Variants in ANKRD30BL observed in about 807,000 individuals in gnomAD.
ANKRD30BL encodes the protein ankyrin repeat domain 30B like, also known as putative ankyrin repeat domain-containing protein 30B-like.
ANKRD30BL carries 20 observed loss-of-function variants against 18.4 expected under a neutral mutation model. The observed-to-expected ratio is 1.09, with a 90% CI of 0.77 to 1.58. ANKRD30BL has a LOEUF of 1.58. ANKRD30BL is among the 40% of genes most tolerant of loss of function. The pLI, the probability that ANKRD30BL is intolerant of heterozygous loss-of-function variation, is 0.00. For missense variants in ANKRD30BL, 224 were observed against 268.6 expected, an observed-to-expected ratio of 0.83 and a Z score of 1.16; for synonymous variants, 72 against 100.9, an observed-to-expected ratio of 0.71 and a Z score of 1.72.
intron 1 of ANKRD30BL, among the ~76,000 whole-genome samples, chr2:132,194,055 T>TCA (rs373251947): frequency 1.6e-3 from 199 of 127,822 alleles, no homozygotes; most frequent in South Asian, 2.7e-3. Context: ...TCTCTCTCTC[T>TCA]CACACACACA....
intron 1 of ANKRD30BL, among the ~76,000 whole-genome samples, chr2:132,229,281 T>G (rs1001507804): frequency 6.6e-6 from 1 of 152,118 alleles, no homozygotes; most frequent in Non-Finnish European, 1.5e-5. Flanking sequence ...AGGAAATATC[T>G]TCACATAAAA....
chr2:132,191,160 T>A (rs1678842245), intron 1 of ANKRD30BL, among the ~76,000 whole-genome samples: 1 of 152,218 alleles, frequency 6.6e-6, no homozygotes, highest in Admixed American at 6.5e-5. Context: ...ATTCAGTTTC[T>A]AGAATTTTGT....
rs555343413 is a variant in ANKRD30BL at position 132,193,607 on chromosome 2, A to G, written n.442-36461T>C. Among the ~76,000 whole-genome samples, 394 of 152,294 alleles carry G rather than the reference A, an allele frequency of 2.6e-3. 1 individual carries two copies. The highest frequency in any genetic ancestry group is 9.3e-3 in the African/African-American group (387 of 41,562). ...TACATACACTCTTCAAGAAGCAGCT[A>G]GACTCATGGAGCCCTGGAGAAACGT... On this transcript the variant is annotated intron_variant and non_coding_transcript_variant, in intron 1 of 4. Transcript: ENST00000470729.
chr2:132,191,794 T>A (rs1006701544), intron 1 of ANKRD30BL, among the ~76,000 whole-genome samples: 75 of 147,120 alleles, frequency 5.1e-4, no homozygotes, highest in Non-Finnish European at 8.9e-5. Context: ...CAGACTGGAG[T>A]GCAGTGGCAA....
intron 1 of ANKRD30BL, among the ~76,000 whole-genome samples, chr2:132,172,586 T>G (rs879839394): frequency 3.3e-5 from 5 of 152,362 alleles, no homozygotes; most frequent in Non-Finnish European, 7.3e-5. Flanking sequence ...ATTATTGTTG[T>G]TGAGTTGCTG....
intron 1 of ANKRD30BL, among the ~76,000 whole-genome samples, chr2:132,244,721 T>G (rs542836100): frequency 6.6e-6 from 1 of 152,406 alleles, no homozygotes; most frequent in East Asian, 1.9e-4. Context: ...AGTGGATATT[T>G]GGATAGCTTT....
At chr2:132,178,169 G>A (rs1223143094) in intron 1 of ANKRD30BL, among the ~76,000 whole-genome samples, 1 of 152,136 alleles carries the variant, frequency 6.6e-6, no homozygotes, top group Non-Finnish European at 1.5e-5. Context: ...GCACTCTGTG[G>A]ACCAGTAGGG....
intron 1 of ANKRD30BL, among the ~76,000 whole-genome samples, chr2:132,254,531 G>A (rs1012984890): frequency 1.7e-3 from 258 of 152,284 alleles, no homozygotes; most frequent in Middle Eastern, 3.4e-3. Context: ...AAAGGGCAGG[G>A]ACTTCATGCA....
At chr2:132,233,434 G>C (rs1284208220) in intron 1 of ANKRD30BL, among the ~76,000 whole-genome samples, 1 of 139,488 alleles carries the variant, frequency 7.2e-6, no homozygotes, top group African/African-American at 2.7e-5. Context: ...CTGTATTCAG[G>C]AAACCCATCT....
At chr2:132,241,090 A>G (rs1042032326) in intron 1 of ANKRD30BL, among the ~76,000 whole-genome samples, 8 of 151,882 alleles carry the variant, frequency 5.3e-5, no homozygotes, top group African/African-American at 1.7e-4. Flanking sequence ...TCCTTTTCAT[A>G]GAGCAGTTTT....
intron 1 of ANKRD30BL, among the ~76,000 whole-genome samples, chr2:132,230,980 G>A (rs1433617883): frequency 6.6e-6 from 1 of 152,118 alleles, no homozygotes; most frequent in Non-Finnish European, 1.5e-5. Context: ...TTGGAAACGG[G>A]AATATCTTCA....
chr2:132,228,696 G>A (rs1238242316), intron 1 of ANKRD30BL, among the ~76,000 whole-genome samples: 2 of 148,242 alleles, frequency 1.3e-5, no homozygotes, highest in Admixed American at 6.6e-5. Context: ...TGAGAGTTTG[G>A]AAGCACTCTT....
At chr2:132,167,720 C>A (rs1364395841) in intron 1 of ANKRD30BL, among the ~76,000 whole-genome samples, 2 of 152,052 alleles carry the variant, frequency 1.3e-5, no homozygotes, top group East Asian at 1.9e-4. Context: ...TAAAAATTTG[C>A]GGTGGTTTTC....
chr2:132,226,560 T>A (rs1035237243), intron 1 of ANKRD30BL, among the ~76,000 whole-genome samples: 71 of 152,116 alleles, frequency 4.7e-4, no homozygotes, highest in African/African-American at 1.7e-3. Flanking sequence ...GTGAGAAACC[T>A]CTTTGTGATG....
intron 1 of ANKRD30BL, among the ~76,000 whole-genome samples, chr2:132,193,631 G>A (rs1258926222): frequency 1.3e-5 from 2 of 152,192 alleles, no homozygotes; most frequent in Non-Finnish European, 2.9e-5. Context: ...CTGGAGAAAC[G>A]TTCTAAAGAT....
rs1041390383 is a variant in ANKRD30BL, at chr2:132,233,984, A to C, written n.441+23545T>G. On this transcript the variant is annotated intron_variant and non_coding_transcript_variant, in intron 1 of 4. Coordinates refer to the ANKRD30BL transcript ENST00000470729. ...AAAAGAACAGAAATTATAACCAACT[A>C]TCTCTCAGACCACAGTGCAATCAAA... 1.4e-4 allele frequency among the ~76,000 whole-genome samples: 21 copies of C among 152,210 alleles called. No individual in the cohort carries two copies. In the South Asian group the frequency reaches 3.9e-3, roughly 29 times the overall value.
At chr2:132,237,135 G>A (rs1680171419) in intron 1 of ANKRD30BL, among the ~76,000 whole-genome samples, 1 of 151,242 alleles carries the variant, frequency 6.6e-6, no homozygotes, top group South Asian at 2.1e-4. Context: ...TGAGGTGGGG[G>A]GAGGGGTGAG....
chr2:132,222,531 C>T (rs1229798799), intron 1 of ANKRD30BL, among the ~76,000 whole-genome samples: 1 of 152,064 alleles, frequency 6.6e-6, no homozygotes, highest in Non-Finnish European at 1.5e-5. Context: ...GATCTGTGAC[C>T]TTACCCCCAA....
chr2:132,254,394 T>C (rs1680762217), intron 1 of ANKRD30BL, among the ~76,000 whole-genome samples: 2 of 152,134 alleles, frequency 1.3e-5, no homozygotes, highest in Admixed American at 6.5e-5. Context: ...TTACGACTTT[T>C]ACTTCCTCTA....
Sources: allele counts gnomAD v4.1 joint callset (sites outside exome capture counted in the v4.1 genomes callset), GRCh38; gene constraint gnomAD v4.1.1; transcripts MANE v1.5; gene names NCBI Gene and HGNC (gene_info 2026-07-23, HGNC 2026-07-21).